GALNT8: variants seen among roughly 807,000 people sequenced by gnomAD.
GALNT8 encodes polypeptide N-acetylgalactosaminyltransferase 8, also known as probable polypeptide N-acetylgalactosaminyltransferase 8.
A neutral mutation model predicts 62.7 loss-of-function variants in GALNT8; 66 were observed. The ratio of observed to expected loss-of-function variants is 1.05; its 90% CI spans 0.86 to 1.29. GALNT8 has a LOEUF of 1.29. GALNT8 is among the 50% of genes most tolerant of loss of function. The probability of loss-of-function intolerance (pLI) is 0.00; values close to 1 mark genes in which losing one functional copy is unlikely to be tolerated. For synonymous variants in GALNT8, 288 were observed against 294.3 expected (o/e 0.98, Z 0.22); for missense variants, 771 against 791.8 (o/e 0.97, Z 0.32).
intron 3 of GALNT8, among the ~76,000 whole-genome samples, chr12:4,740,791 A>T (rs1946268629): frequency 1.3e-5 from 2 of 152,188 alleles, no homozygotes; most frequent in Admixed American, 1.3e-4. Flanking sequence ...CATTGTGTAG[A>T]TGTGCAAAAC....
Position 4,761,054 on chromosome 12 carries a change from G to A in GALNT8, c.1270G>A (p.Ala424Thr), listed in dbSNP as rs1033563546. The A allele has an allele frequency of 1.9e-6, 3 of 1,613,930 alleles. No individual in the cohort carries two copies. Among genetic ancestry groups the A allele is most frequent in the South Asian group, 1.1e-5 (1 of 91,060 alleles). The stretch of plus-strand genomic sequence containing the variant: ...GCCCTACGCCTTGGATCTCACCGCT[G>A]CCTTGAAGCGCAATGCTCTGCGAGT... The part of the protein sequence containing the change: ...HKPYALDLTA[A>T]LKRNALRVAE... The change falls in exon 7 of 11, where the codon GCC becomes ACC. Residue 424 changes from alanine (A) to threonine (T), a missense_variant. By Grantham distance (58) the Ala-to-Thr change is moderately conservative. Transcript: ENST00000252318.
At position 4,726,492 on chromosome 12, in the gene GALNT8, GA is replaced by G; in HGVS notation, c.212-37del. On this transcript the variant is annotated intron_variant, in intron 1 of 10. Transcript: ENST00000252318. This position sits in a 1 kb window ranked among gnomAD's most constrained non-coding sequence, Gnocchi z 4.1. ...ATACCCAGGTAACTAAGGAGGGGCT[GA>G]AATGTTTTCTCTCCCACCCCTGTCC... 6.7e-7 allele frequency: 1 copy of G among 1,486,980 alleles called. No individual in the cohort carries two copies. Among genetic ancestry groups the G allele is most frequent in the Non-Finnish European group, 9.2e-7 (1 of 1,084,872 alleles). 92.1% of individuals were successfully genotyped at this position (1,486,980 alleles called of 1,614,324 possible).
At chr12:4,763,462 G>T in intron 8 of GALNT8, 72 bp downstream of exon 8, 1 of 1,294,174 alleles carries the variant, frequency 7.7e-7, no homozygotes, top group Middle Eastern at 1.9e-4. Context: ...TGAATCTCGT[G>T]ATTGCCTGTC....
At chr12:4,742,985 CCTGA>C (rs1215750919) in intron 3 of GALNT8, among the ~76,000 whole-genome samples, 3 of 152,220 alleles carry the variant, frequency 2.0e-5, no homozygotes, top group South Asian at 2.1e-4. Context: ...TTGGAAGGGT[CCTGA>C]CTATTTGGTA....
At chr12:4,737,198 A>G (rs773518839) in intron 2 of GALNT8, among the ~76,000 whole-genome samples, 13 of 152,242 alleles carry the variant, frequency 8.5e-5, no homozygotes, top group Non-Finnish European at 1.6e-4. Context: ...CAGCTCTTTT[A>G]GAGAAGTGAC....
chr12:4,763,478 C>A, intron 8 of GALNT8, 88 bp downstream of exon 8: 2 of 1,070,978 alleles, frequency 1.9e-6, no homozygotes, highest in Non-Finnish European at 2.8e-6. Context: ...CTGTCCTGCC[C>A]AAGACGCCCT....
At position 4,734,054 on chromosome 12, in the gene GALNT8, C is replaced by A. The variant is rs546009650; in HGVS notation, c.510-5109C>A. On this transcript the variant is annotated intron_variant, in intron 2 of 10. Coordinates refer to ENST00000252318, the MANE Select transcript of GALNT8 (RefSeq NM_017417.2). ...GCAAAGTGGTAAGAATAGCAGATAA[C>A]CTTTATGGAGCTTCTTTTACTCTGA... is the stretch of plus-strand genomic sequence containing the variant. Among the ~76,000 whole-genome samples the A allele has an allele frequency of 2.0e-5, 3 of 152,290 alleles. No homozygotes were observed. The South Asian group carries it at 6.2e-4, about 32-fold the overall frequency.
At position 4,768,190 on chromosome 12, in the gene GALNT8, AT is replaced by A. The variant is rs1260371986; in HGVS notation, c.1761+2648del. Among the ~76,000 whole-genome samples the A allele has an allele frequency of 2.0e-5, 3 of 152,168 alleles. No individual in the cohort carries two copies. In the East Asian group the frequency reaches 5.8e-4, roughly 29 times the overall value. On this transcript the variant is annotated intron_variant, in intron 10 of 10. Transcript: ENST00000252318. ...CACCAATTTAATTACTCAAATACAC[AT>A]TTTAAAATTGCTATCACAAGATTAA...
chr12:4,744,304 G>A (rs558846891), intron 3 of GALNT8, among the ~76,000 whole-genome samples: 3 of 152,294 alleles, frequency 2.0e-5, no homozygotes, highest in South Asian at 4.1e-4. Flanking sequence ...TAACTGTCAG[G>A]GAAAGGACAT....
chr12:4,745,001 T>C (rs1254418243), intron 4 of GALNT8, among the ~76,000 whole-genome samples: 2 of 152,148 alleles, frequency 1.3e-5, no homozygotes, highest in African/African-American at 4.8e-5. Flanking sequence ...GAGATTAGCC[T>C]TTGGTTATTT....
chr12:4,746,622 C>T (rs1328090070), intron 6 of GALNT8, among the ~76,000 whole-genome samples: 2 of 152,112 alleles, frequency 1.3e-5, no homozygotes, highest in East Asian at 1.9e-4. Flanking sequence ...GAGTGGGCAG[C>T]GTGACTAGGG....
At chr12:4,771,017 G>A (rs1004704283) in intron 10 of GALNT8, among the ~76,000 whole-genome samples, 2 of 152,156 alleles carry the variant, frequency 1.3e-5, no homozygotes, top group Non-Finnish European at 2.9e-5. Context: ...GCATGGGGCC[G>A]CTCTTTTGAG....
chr12:4,744,193 C>T (rs562011808), intron 3 of GALNT8, among the ~76,000 whole-genome samples: 1 of 152,314 alleles, frequency 6.6e-6, no homozygotes, highest in South Asian at 2.1e-4. Context: ...GCACCTTAGG[C>T]TAGATCTGTC....
At position 4,764,027 on chromosome 12, in the gene GALNT8, T is replaced by C. The variant is rs1946386323; in HGVS notation, c.1573T>C (p.Cys525Arg). The change falls in exon 9 of 11, where the codon TGC (cysteine) becomes CGC (arginine). Residue 525 changes from cysteine (C) to arginine (R), a missense_variant. By Grantham distance (180) the Cys-to-Arg change is radical. Coordinates refer to ENST00000252318, the MANE Select transcript of GALNT8 (RefSeq NM_017417.2). ...AGGCAACACCCCCATCATGTATTAC[T>C]GCCATGAATTCAGCTCACAGGTATC... ...VPGNTPIMYY[C>R]HEFSSQNVYY... The C allele has an allele frequency of 6.3e-7, 1 of 1,575,212 alleles. No individual in the cohort carries two copies. Among genetic ancestry groups the C allele is most frequent in the Non-Finnish European group, 8.7e-7 (1 of 1,144,160 alleles).
intron 1 of GALNT8, among the ~76,000 whole-genome samples, chr12:4,723,926 G>A (rs1051004005): frequency 1.3e-5 from 2 of 151,806 alleles, no homozygotes; most frequent in African/African-American, 2.4e-5. Flanking sequence ...CGAGGCGGGT[G>A]GATCACGAGG....
chr12:4,737,629 G>A (rs1419179969), intron 2 of GALNT8, among the ~76,000 whole-genome samples: 1 of 152,232 alleles, frequency 6.6e-6, no homozygotes, highest in Non-Finnish European at 1.5e-5. Context: ...TTGAATGTTT[G>A]TCTTCTCTGA....
chr12:4,746,631 G>A (rs1946301379), intron 6 of GALNT8, among the ~76,000 whole-genome samples: 1 of 152,176 alleles, frequency 6.6e-6, no homozygotes, highest in Non-Finnish European at 1.5e-5. Context: ...GCGTGACTAG[G>A]GAATGCAGAC....
intron 3 of GALNT8, among the ~76,000 whole-genome samples, chr12:4,742,093 A>G (rs1156742832): frequency 6.6e-6 from 1 of 152,220 alleles, no homozygotes; most frequent in Non-Finnish European, 1.5e-5. Context: ...TCAGGGAATA[A>G]TGGTGCCTAC....
rs1946370999 is a variant in GALNT8, at chr12:4,761,161, A to G, written c.1359+18A>G. The G allele has an allele frequency of 6.2e-7, 1 of 1,603,178 alleles. No homozygotes were observed. Among genetic ancestry groups the G allele is most frequent in the Non-Finnish European group, 8.5e-7 (1 of 1,170,812 alleles). On this transcript the variant is annotated intron_variant, in intron 7 of 10. Transcript: ENST00000252318. The stretch of plus-strand genomic sequence containing the variant: ...CTCTCCAGGTGAGTCATGGAATTGA[A>G]CAGCAGCACGGAAGAATGAAAGAGG...
Sources: gnomAD v4.1 joint callset for allele counts (sites outside exome capture counted in the v4.1 genomes callset) on GRCh38, gnomAD v4.1.1 for gene constraint, Gnocchi (gnomAD v3.1) non-coding constraint, MANE v1.5 for transcripts, NCBI Gene and HGNC (gene_info 2026-07-23, HGNC 2026-07-21) for gene names.